Variants in UNC5C observed in about 807,000 individuals in gnomAD.
The protein encoded by UNC5C is unc-5 netrin receptor C, also known as netrin receptor UNC5C.
In UNC5C, 47 loss-of-function variants were observed where a neutral mutation model predicts 99.8. The observed-to-expected ratio is 0.47, with a 90% CI of 0.37 to 0.60. The LOEUF is 0.60. UNC5C is among the 20% of genes least tolerant of loss of function. The probability of loss-of-function intolerance (pLI) is 0.00; values close to 1 mark genes in which losing one functional copy is unlikely to be tolerated. For synonymous variants in UNC5C, 487 were observed against 452.2 expected, an observed-to-expected ratio of 1.08 and a Z score of -0.98; for missense variants, 1,062 against 1,165.9, an observed-to-expected ratio of 0.91 and a Z score of 1.30.
In UNC5C at chr4:95,462,557, C is replaced by T. The variant is rs530100617; in HGVS notation, c.124+86177G>A. Reference sequence around the variant, plus strand: ...TCTAGGGTAACTTCTTGTAATATGGCAACATACAGGAGGTAATTCGGTTTT... The same window carrying T: ...TCTAGGGTAACTTCTTGTAATATGGTAACATACAGGAGGTAATTCGGTTTT... On this transcript the variant is annotated intron_variant, in intron 1 of 15. Transcript: ENST00000453304. 2.2e-3 allele frequency among the ~76,000 whole-genome samples: 339 copies of T among 152,122 alleles called. 2 individuals carry two copies. The highest frequency in any genetic ancestry group is 4.0e-3 in the Non-Finnish European group (273 of 68,000).
intron 12 of UNC5C, among the ~76,000 whole-genome samples, chr4:95,195,958 A>ACATTTGTC (rs1169606548): frequency 2.6e-5 from 4 of 152,160 alleles, no homozygotes; most frequent in Non-Finnish European, 5.9e-5. Context: ...TATCACAAAT[A>ACATTTGTC]CATTTGTCAG....
At chr4:95,392,446 A>T (rs1745391047) in intron 1 of UNC5C, among the ~76,000 whole-genome samples, 3 of 149,804 alleles carry the variant, frequency 2.0e-5, no homozygotes, top group South Asian at 4.3e-4. Context: ...TTTTTTTTTA[A>T]AAAAAAAACA....
At chr4:95,493,927 C>G (rs1201216938) in intron 1 of UNC5C, among the ~76,000 whole-genome samples, 5 of 151,382 alleles carry the variant, frequency 3.3e-5, no homozygotes, top group Non-Finnish European at 7.4e-5. Flanking sequence ...CTATCAATTA[C>G]AACGCCATTT....
intron 1 of UNC5C, among the ~76,000 whole-genome samples, chr4:95,407,321 T>G (rs1317010327): frequency 6.6e-6 from 1 of 152,124 alleles, no homozygotes; most frequent in African/African-American, 2.4e-5. Context: ...CTAAAGGGTA[T>G]GTTTCACCAG....
intron 1 of UNC5C, among the ~76,000 whole-genome samples, chr4:95,339,068 G>T (rs1297309238): frequency 6.6e-6 from 1 of 152,048 alleles, no homozygotes; most frequent in African/African-American, 2.4e-5. Flanking sequence ...AAATGAAATT[G>T]CATCTTTATT....
chr4:95,332,976 A>G (rs2149419653), intron 2 of UNC5C, among the ~76,000 whole-genome samples: 1 of 152,312 alleles, frequency 6.6e-6, no homozygotes, highest in Middle Eastern at 3.4e-3. Flanking sequence ...AAAAAGGCTC[A>G]CCATCACTGG....
intron 1 of UNC5C, among the ~76,000 whole-genome samples, chr4:95,483,547 T>A (rs1258501802): frequency 1.3e-5 from 2 of 151,742 alleles, no homozygotes; most frequent in African/African-American, 4.8e-5. Flanking sequence ...TACAATCCCA[T>A]CCTAAGAATG....
intron 1 of UNC5C, among the ~76,000 whole-genome samples, chr4:95,522,341 T>A (rs1722382249): frequency 6.6e-6 from 1 of 152,134 alleles, no homozygotes. Flanking sequence ...GCAATGCTAA[T>A]ATTTCTTTCA....
intron 2 of UNC5C, among the ~76,000 whole-genome samples, chr4:95,326,524 G>A (rs1279089754): frequency 6.6e-6 from 1 of 152,146 alleles, no homozygotes; most frequent in Non-Finnish European, 1.5e-5. Flanking sequence ...ACATAGGTAT[G>A]TATTACTATA....
chr4:95,283,864 T>A (rs1202913669), intron 3 of UNC5C, among the ~76,000 whole-genome samples: 2 of 152,254 alleles, frequency 1.3e-5, no homozygotes, highest in Non-Finnish European at 2.9e-5. Flanking sequence ...CAACTTGGCA[T>A]GCATCTAATT....
chr4:95,224,345 A>AAAAGG lies in UNC5C; in HGVS notation c.1109-4174_1109-4170dup, dbSNP rs576488270. 2.0e-4 allele frequency among the ~76,000 whole-genome samples: 31 copies of AAAAGG among 152,322 alleles called. No homozygotes were observed. The East Asian group carries it at 6.0e-3, about 29-fold the overall frequency. ...AATAAGCAGAAGAGCTGCGTCTTGC[A>AAAAGG]AAAGGAAAGCCTATCTCCAGCTAGG... On this transcript the variant is annotated intron_variant, in intron 7 of 15. Transcript: ENST00000453304.
At position 95,202,842 on chromosome 4, in the gene UNC5C, G is replaced by T. The variant is rs1424565824; in HGVS notation, c.2025C>A (p.Thr675=). Residue 675 remains threonine, a synonymous_variant, in exon 12 of 16, where the codon ACC becomes ACA. Transcript: ENST00000453304. The part of the protein sequence containing the change: ...STYALVGHST[T]KAAAKRLKLA... Reference sequence around the variant, plus strand: ...GCTTGAGGCGCTTCGCAGCCGCTTTGGTGGTGGAATGTCCTACCAGGGCGT... The same window carrying T: ...GCTTGAGGCGCTTCGCAGCCGCTTTTGTGGTGGAATGTCCTACCAGGGCGT... 1.2e-6 allele frequency: 2 copies of T among 1,614,134 alleles called. No individual in the cohort carries two copies. The highest frequency in any genetic ancestry group is 4.5e-5 in the East Asian group (2 of 44,874).
chr4:95,217,953 G>C (rs1173028590), intron 9 of UNC5C, among the ~76,000 whole-genome samples: 3 of 152,164 alleles, frequency 2.0e-5, no homozygotes, highest in African/African-American at 7.2e-5. Flanking sequence ...TTTATTAAAT[G>C]TTTTGATTTT....
In UNC5C at chr4:95,250,723, T is replaced by A. The variant is rs989444431; in HGVS notation, c.595-56A>T. 1.6e-5 allele frequency: 25 copies of A among 1,561,240 alleles called. No individual in the cohort carries two copies. The African/African-American group carries it at 3.1e-4, about 19-fold the overall frequency. On this transcript the variant is annotated intron_variant, in intron 4 of 15. Coordinates refer to ENST00000453304, the MANE Select transcript of UNC5C (RefSeq NM_003728.4). ...CTCAGCATGGATCCCCTGATGGCTG[T>A]CTGTCCTAACCTGCATTTTGTACAC...
At chr4:95,344,790 G>T (rs1016457038) in intron 1 of UNC5C, among the ~76,000 whole-genome samples, 1 of 151,776 alleles carries the variant, frequency 6.6e-6, no homozygotes. Context: ...AATAATGGAT[G>T]ACAAGATATC....
At chr4:95,349,859 T>C (rs1743923204) in intron 1 of UNC5C, among the ~76,000 whole-genome samples, 1 of 152,170 alleles carries the variant, frequency 6.6e-6, no homozygotes, top group Admixed American at 6.6e-5. Context: ...GACTTTAAAC[T>C]AACATAGTTT....
chr4:95,443,841 ACT>A (rs1457207447), intron 1 of UNC5C, among the ~76,000 whole-genome samples: 1 of 152,106 alleles, frequency 6.6e-6, no homozygotes, highest in Admixed American at 6.6e-5. Context: ...GATTTGATCT[ACT>A]CTCTCTTGAA....
At chr4:95,394,188 G>A (rs1745442420) in intron 1 of UNC5C, among the ~76,000 whole-genome samples, 1 of 151,510 alleles carries the variant, frequency 6.6e-6, no homozygotes, top group East Asian at 1.9e-4. Context: ...AGCTCAGCTT[G>A]ACTTCTGTAC....
chr4:95,185,176 T>C lies in UNC5C; in HGVS notation c.2157A>G (p.Arg719=). The C allele has an allele frequency of 6.2e-7, 1 of 1,609,680 alleles. No individual in the cohort carries two copies. The highest frequency in any genetic ancestry group is 1.7e-5 in the Admixed American group (1 of 58,638). The change falls in exon 13 of 16, where the codon AGA becomes AGG. Residue 719 remains arginine, a synonymous_variant. Coordinates refer to ENST00000453304, the MANE Select transcript of UNC5C (RefSeq NM_003728.4). ...DALKEILHLE[R]QMGGQLLEEP... Reference sequence around the variant, plus strand: ...CTTCTAGGAGCTGTCCTCCCATCTGTCTCTCAAGATGTAAAATTTCCTATA... The same window carrying C: ...CTTCTAGGAGCTGTCCTCCCATCTGCCTCTCAAGATGTAAAATTTCCTATA...
Sources: allele counts gnomAD v4.1 joint callset (sites outside exome capture counted in the v4.1 genomes callset), GRCh38; gene constraint gnomAD v4.1.1; transcripts MANE v1.5; gene names NCBI Gene and HGNC (gene_info 2026-07-23, HGNC 2026-07-21).